KDM4B: variants seen among roughly 807,000 people sequenced by gnomAD.
KDM4B encodes the protein lysine demethylase 4B.
A neutral mutation model predicts 125.2 loss-of-function variants in KDM4B; 32 were observed. The observed-to-expected ratio is 0.26, with a 90% CI of 0.19 to 0.34. The LOEUF (loss-of-function observed/expected upper bound fraction) is 0.34. Among genes scored for constraint, KDM4B ranks in the 10% least tolerant of loss-of-function variants. KDM4B has a pLI of 1.00. For missense variants in KDM4B, 1,190 were observed against 1,577.7 expected, an observed-to-expected ratio of 0.75 and a Z score of 4.16; for synonymous variants, 721 against 677.9, an observed-to-expected ratio of 1.06 and a Z score of -0.99.
intron 15 of KDM4B, among the ~76,000 whole-genome samples, chr19:5,135,948 C>A (rs1001018545): frequency 2.0e-5 from 3 of 152,224 alleles, no homozygotes; most frequent in Non-Finnish European, 2.9e-5. Flanking sequence ...CTCATCCCAC[C>A]CTGTCCCTGA....
At position 5,043,033 on chromosome 19, in the gene KDM4B, C is replaced by T. The variant is rs375705140; in HGVS notation, c.432+1782C>T. ...AAGTTTTCACTTGTGGCGTCGTTAT[C>T]GGTACTCAGAACATTTGGGACCTTG... is the stretch of plus-strand genomic sequence containing the variant. On this transcript the variant is annotated intron_variant, in intron 5 of 22. Coordinates refer to ENST00000159111, the MANE Select transcript of KDM4B (RefSeq NM_015015.3). Among the ~76,000 whole-genome samples, 110 of 150,040 alleles carry T rather than the reference C, an allele frequency of 7.3e-4. 1 individual carries two copies. The highest frequency in any genetic ancestry group is 2.2e-3 in the African/African-American group (91 of 40,798).
rs770319120 is a variant in KDM4B, at chr19:5,041,130, TCAC to T, written c.318-4_318-2del. ...CCTGAGCTGGTTTTGGGGTGTTTGTTCACCAGGTACTGTACCCCGCGGCACCAG... is the reference window on the plus strand; with the variant it reads ...CCTGAGCTGGTTTTGGGGTGTTTGTTCAGGTACTGTACCCCGCGGCACCAG... On this transcript the variant is annotated splice_polypyrimidine_tract_variant and splice_region_variant and intron_variant, in intron 4 of 22. Coordinates refer to ENST00000159111, the MANE Select transcript of KDM4B (RefSeq NM_015015.3). 1 of 1,598,744 alleles carries T rather than the reference TCAC, an allele frequency of 6.3e-7. No homozygotes were observed. Among genetic ancestry groups the T allele is most frequent in the African/African-American group, 1.3e-5 (1 of 74,612 alleles).
chr19:5,084,375 T>C (rs2038404330), intron 9 of KDM4B, among the ~76,000 whole-genome samples: 1 of 144,386 alleles, frequency 6.9e-6, no homozygotes, highest in African/African-American at 2.5e-5. Flanking sequence ...ATATAATTTA[T>C]ATATTGTATA....
intron 6 of KDM4B, among the ~76,000 whole-genome samples, chr19:5,068,827 T>C (rs1483835641): frequency 3.3e-5 from 5 of 152,260 alleles, no homozygotes; most frequent in African/African-American, 1.2e-4. Context: ...CAGAGCCACG[T>C]TCCAGTGTAT....
intron 1 of KDM4B, among the ~76,000 whole-genome samples, chr19:5,007,307 C>T (rs1025773174): frequency 6.6e-6 from 1 of 152,200 alleles, no homozygotes; most frequent in Non-Finnish European, 1.5e-5. Flanking sequence ...CTCCTCTTCT[C>T]CCTTGCTTCA....
chr19:5,091,227 C>T (rs947590354), intron 9 of KDM4B, among the ~76,000 whole-genome samples: 2 of 152,168 alleles, frequency 1.3e-5, no homozygotes, highest in African/African-American at 2.4e-5. Context: ...CAGGACTCAG[C>T]GGCATCCCGA....
chr19:5,030,061 G>A (rs1433215641), intron 2 of KDM4B, among the ~76,000 whole-genome samples: 4 of 152,156 alleles, frequency 2.6e-5, no homozygotes, highest in South Asian at 4.1e-4. Context: ...CTTTCCAGAC[G>A]AGCCCCCGCA....
At chr19:5,060,433 CAA>C (rs901472663) in intron 6 of KDM4B, among the ~76,000 whole-genome samples, 3 of 32,976 alleles carry the variant, frequency 9.1e-5, no homozygotes, top group Non-Finnish European at 1.3e-4. Context: ...ACTCTGTCTC[CAA>C]AAAAAAAAAA....
intron 2 of KDM4B, among the ~76,000 whole-genome samples, chr19:5,029,290 G>A (rs572090675): frequency 4.6e-5 from 7 of 152,334 alleles, no homozygotes; most frequent in South Asian, 2.1e-4. Flanking sequence ...GCCGTTGTGA[G>A]CATGTTGCTG....
intron 1 of KDM4B, among the ~76,000 whole-genome samples, chr19:4,994,020 GTTTTTTTTTTT>G (rs55641886): frequency 2.2e-4 from 15 of 66,680 alleles, no homozygotes; most frequent in African/African-American, 3.9e-4. Flanking sequence ...TTTTCAGCCT[GTTTTTTTTTTT>G]TTTTTTTTTT....
intron 14 of KDM4B, 25 bp from the exon 15 acceptor site, chr19:5,135,314 C>T (rs1380056569): frequency 7.8e-6 from 12 of 1,548,038 alleles, no homozygotes; most frequent in Non-Finnish European, 9.8e-6. Context: ...GGCTCTGTCC[C>T]CTGAAGGTCG....
intron 9 of KDM4B, among the ~76,000 whole-genome samples, chr19:5,087,905 G>C (rs2038557579): frequency 6.6e-6 from 1 of 152,200 alleles, no homozygotes; most frequent in Non-Finnish European, 1.5e-5. Flanking sequence ...GACGGGGGCT[G>C]GGCTGTTCGG....
chr19:5,108,273 C>T (rs531520276), intron 9 of KDM4B, among the ~76,000 whole-genome samples: 12 of 152,356 alleles, frequency 7.9e-5, no homozygotes, highest in South Asian at 4.1e-4. Context: ...TCTGAAACGC[C>T]GGCACCATCT....
At chr19:5,050,626 C>T (rs1290926724) in intron 6 of KDM4B, among the ~76,000 whole-genome samples, 3 of 152,236 alleles carry the variant, frequency 2.0e-5, no homozygotes, top group Admixed American at 6.5e-5. Context: ...TGGGGCCAGG[C>T]GCGGTGGTTT....
At chr19:5,054,666 C>T (rs1277960438) in intron 6 of KDM4B, among the ~76,000 whole-genome samples, 2 of 152,220 alleles carry the variant, frequency 1.3e-5, no homozygotes, top group East Asian at 1.9e-4. Context: ...TGCGAGAACT[C>T]GGGCCAGGAG....
At chr19:5,052,051 C>A (rs957371588) in intron 6 of KDM4B, among the ~76,000 whole-genome samples, 1 of 152,044 alleles carries the variant, frequency 6.6e-6, no homozygotes, top group Non-Finnish European at 1.5e-5. Context: ...CTGAGTGCTG[C>A]GGGGAGGGCT....
chr19:5,144,692 T>C (rs759472395), intron 20 of KDM4B, 91 bp from the exon 21 acceptor site: 12 of 1,547,112 alleles, frequency 7.8e-6, no homozygotes, highest in Non-Finnish European at 1.1e-5. Context: ...GCAGAGAACC[T>C]CACTTGCCAG....
At chr19:5,052,297 C>T (rs2145729709) in intron 6 of KDM4B, among the ~76,000 whole-genome samples, 1 of 144,030 alleles carries the variant, frequency 6.9e-6, no homozygotes, top group Middle Eastern at 3.6e-3. Flanking sequence ...GGTGTGCGTG[C>T]ATGTGTGTGT....
At chr19:5,004,349 G>C (rs1276615368) in intron 1 of KDM4B, among the ~76,000 whole-genome samples, 1 of 152,152 alleles carries the variant, frequency 6.6e-6, no homozygotes, top group African/African-American at 2.4e-5. Context: ...TCCTCACCCG[G>C]CCTGGAGTGC....
Sources: gnomAD v4.1 joint callset for allele counts (sites outside exome capture counted in the v4.1 genomes callset) on GRCh38, gnomAD v4.1.1 for gene constraint, MANE v1.5 for transcripts, NCBI Gene and HGNC (gene_info 2026-07-23, HGNC 2026-07-21) for gene names.